PRIM2: variants seen among roughly 807,000 people sequenced by gnomAD.
PRIM2 encodes DNA primase large subunit.
Under a neutral mutation model 67.3 loss-of-function variants are expected in PRIM2, and 39 were observed. The observed-to-expected ratio is 0.58, with a 90% CI of 0.45 to 0.76. PRIM2 has a LOEUF of 0.76. Among genes scored for constraint, PRIM2 ranks in the 30% least tolerant of loss-of-function variants. PRIM2 has a pLI of 0.00. For missense variants in PRIM2, 398 were observed against 598.7 expected, an observed-to-expected ratio of 0.66 and a Z score of 3.50; for synonymous variants, 143 against 198.7, an observed-to-expected ratio of 0.72 and a Z score of 2.36.
At chr6:57,311,199 C>T (rs1436342554), upstream of PRIM2, among the ~76,000 whole-genome samples, 5 of 145,746 alleles carry the variant, frequency 3.4e-5, no homozygotes, top group Admixed American at 6.8e-5. Flanking sequence ...CCCTCACCTC[C>T]CAGACGGGGC....
intron 9 of PRIM2, among the ~76,000 whole-genome samples, chr6:57,536,166 G>T (rs1411877059): frequency 6.6e-6 from 1 of 152,174 alleles, no homozygotes. Context: ...GTCACTAGAG[G>T]GAGCAGCAAA....
At chr6:57,576,870 C>T (rs1360245019) in intron 10 of PRIM2, among the ~76,000 whole-genome samples, 2 of 150,164 alleles carry the variant, frequency 1.3e-5, no homozygotes, top group Admixed American at 6.6e-5. Flanking sequence ...TATAATAAAA[C>T]ATCTATGCCT....
intron 10 of PRIM2, among the ~76,000 whole-genome samples, chr6:57,600,463 T>G (rs1408323020): frequency 2.0e-5 from 3 of 151,514 alleles, no homozygotes; most frequent in Non-Finnish European, 4.4e-5. Context: ...GCCCAAGTGA[T>G]AATTCTGCCT....
chr6:57,279,128 A>G, the PRIM2 span, among the ~76,000 whole-genome samples: 1 of 152,136 alleles, frequency 6.6e-6, no homozygotes, highest in Non-Finnish European at 1.5e-5. Flanking sequence ...CCTAAACCCA[A>G]TTCATTGAGG....
At chr6:57,292,727 A>G in the PRIM2 span, among the ~76,000 whole-genome samples, 1 of 152,202 alleles carries the variant, frequency 6.6e-6, no homozygotes, top group Non-Finnish European at 1.5e-5. Flanking sequence ...TGACAAAAAC[A>G]AGCAATGGGG....
At chr6:57,286,897 T>C in the PRIM2 span, among the ~76,000 whole-genome samples, 31 of 152,242 alleles carry the variant, frequency 2.0e-4, no homozygotes, top group East Asian at 6.0e-3. Context: ...ACAAGGTACT[T>C]AAACAAATTT....
the PRIM2 span, among the ~76,000 whole-genome samples, chr6:57,238,209 A>G: frequency 1.3e-5 from 2 of 152,212 alleles, no homozygotes; most frequent in African/African-American, 2.4e-5. Context: ...TGCACCAAGC[A>G]GACCTAATAG....
At chr6:57,459,203 T>C (rs1221008174) in intron 7 of PRIM2, among the ~76,000 whole-genome samples, 3 of 152,194 alleles carry the variant, frequency 2.0e-5, no homozygotes, top group African/African-American at 4.8e-5. Flanking sequence ...ACAGTTATGA[T>C]GTGAGGATTA....
intron 5 of PRIM2, among the ~76,000 whole-genome samples, chr6:57,374,299 A>ATTTATTTATTTT (rs1554331476): frequency 4.1e-5 from 6 of 144,694 alleles, no homozygotes; most frequent in Admixed American, 1.4e-4. Context: ...TTATTTATTT[A>ATTTATTTATTTT]TTTATTTTTT....
chr6:57,389,545 A>G (rs897905645), intron 7 of PRIM2, among the ~76,000 whole-genome samples: 6 of 152,236 alleles, frequency 3.9e-5, no homozygotes, highest in African/African-American at 1.4e-4. Context: ...AGAAGTTCCC[A>G]GGAAGATAAT....
chr6:57,324,706 G>A (rs1255470234), intron 4 of PRIM2, among the ~76,000 whole-genome samples: 2 of 152,150 alleles, frequency 1.3e-5, no homozygotes, highest in South Asian at 2.1e-4. Context: ...TTGTTTGGTA[G>A]TTGGTTTCTT....
intron 5 of PRIM2, among the ~76,000 whole-genome samples, chr6:57,362,097 A>C (rs886721576): frequency 2.6e-5 from 4 of 152,202 alleles, no homozygotes; most frequent in African/African-American, 9.6e-5. Context: ...GAATTGGGTC[A>C]ACAAATAGGA....
chr6:57,568,364 T>A (rs1165227193), intron 10 of PRIM2, among the ~76,000 whole-genome samples: 2 of 152,220 alleles, frequency 1.3e-5, no homozygotes, highest in African/African-American at 4.8e-5. Flanking sequence ...CCTCATTGTT[T>A]ATGTGAGATT....
At chr6:57,508,945 G>A (rs1361503146) in intron 8 of PRIM2, among the ~76,000 whole-genome samples, 460 of 152,272 alleles carry the variant, frequency 3.0e-3, no homozygotes, top group African/African-American at 9.2e-3. Context: ...CAGGTTTTAT[G>A]TAGTCAAGCA....
At chr6:57,280,814 TC>T in the PRIM2 span, among the ~76,000 whole-genome samples, 2 of 152,166 alleles carry the variant, frequency 1.3e-5, no homozygotes, top group African/African-American at 4.8e-5. Context: ...GCATGTACTA[TC>T]TTTTTTTTTA....
chr6:57,378,500 G>A (rs1184113859), intron 5 of PRIM2, among the ~76,000 whole-genome samples: 7 of 151,964 alleles, frequency 4.6e-5, no homozygotes, highest in Admixed American at 2.0e-4. Flanking sequence ...GTTTTTGTTC[G>A]TGAAGTATAG....
At chr6:57,222,631 C>T in the PRIM2 span, among the ~76,000 whole-genome samples, 645 of 152,310 alleles carry the variant, frequency 4.2e-3, 7 homozygotes, top group Middle Eastern at 0.034. Flanking sequence ...AAATGTCGAG[C>T]AAAGTCGAAA....
chr6:57,321,354 G>A (rs138772959), intron 3 of PRIM2, among the ~76,000 whole-genome samples: 23 of 152,334 alleles, frequency 1.5e-4, no homozygotes, highest in African/African-American at 5.5e-4. Flanking sequence ...TGAGGTGCCT[G>A]TGGAGATGTC....
At position 57,589,061 on chromosome 6, in the gene PRIM2, G is replaced by A. The variant is rs1419683834; in HGVS notation, c.1021-12032G>A. On this transcript the variant is annotated intron_variant, in intron 10 of 13. Transcript: ENST00000615550. ...CAGGGGTAGCCTGAGACCCTTGAGT[G>A]CACCCAAGGAAGGAACTGAGATTCA... 5.9e-5 allele frequency among the ~76,000 whole-genome samples: 9 copies of A among 152,274 alleles called. No homozygotes were observed. The East Asian group carries it at 1.5e-3, about 26-fold the overall frequency.
Sources: allele counts gnomAD v4.1 joint callset (sites outside exome capture counted in the v4.1 genomes callset), GRCh38; gene constraint gnomAD v4.1.1; transcripts MANE v1.5; gene names NCBI Gene and HGNC (gene_info 2026-07-23, HGNC 2026-07-21).